Variants in COX19 observed in about 807,000 individuals in gnomAD.
The protein encoded by COX19 is cytochrome c oxidase assembly protein COX19.
COX19 carries 8 observed loss-of-function variants against 6.8 expected under a neutral mutation model. The ratio of observed to expected loss-of-function variants is 1.18; its 90% CI spans 0.69 to 2.12. The LOEUF is 2.12. COX19 is among the 30% of genes most tolerant of loss of function. COX19 has a pLI of 0.00. For missense variants in COX19, 131 were observed against 104.6 expected (o/e 1.25, Z -1.10); for synonymous variants, 51 against 38.0 (o/e 1.34, Z -1.26).
At chr7:971,913 AAC>A (rs1316076756) in intron 2 of COX19, among the ~76,000 whole-genome samples, 2 of 152,146 alleles carry the variant, frequency 1.3e-5, no homozygotes, top group Non-Finnish European at 2.9e-5. Flanking sequence ...ATGAAATCAG[AAC>A]ACATGCCCTG....
intron 1 of COX19, among the ~76,000 whole-genome samples, 197 bp from the exon 2 acceptor site, chr7:973,489 T>C (rs925875560): frequency 6.6e-6 from 1 of 151,986 alleles, no homozygotes; most frequent in African/African-American, 2.4e-5. Flanking sequence ...GGCAACACAG[T>C]GAGACCCCCA....
chr7:965,036 C>CAA lies in COX19; in HGVS notation c.*4340_*4341dup, dbSNP rs1286527542. ...CATTCAGCAGCCAGACCCAGAAACTCAAAGGCAGCGTTGGGAAGCCACTGC... is the reference window on the plus strand; with the variant it reads ...CATTCAGCAGCCAGACCCAGAAACTCAAAAAGGCAGCGTTGGGAAGCCACTGC... On this transcript the variant is annotated 3_prime_UTR_variant, in exon 3 of 3. Transcript: ENST00000344111. 1.3e-5 allele frequency among the ~76,000 whole-genome samples: 2 copies of CAA among 152,216 alleles called. No individual in the cohort carries two copies. The highest frequency in any genetic ancestry group is 2.9e-5 in the Non-Finnish European group (2 of 68,044).
rs367607557 is a variant in COX19, at chr7:965,259, A to G, written c.*4119T>C. Among the ~76,000 whole-genome samples the G allele has an allele frequency of 6.6e-6, 1 of 152,230 alleles. No homozygotes were observed. Among genetic ancestry groups the G allele is most frequent in the South Asian group, 2.1e-4 (1 of 4,834 alleles). ...CATATTTTTTTTTCCTCATTTCAAAATAATTTCAGACTTCCAAAAAGTTCC... is the reference window on the plus strand; with the variant it reads ...CATATTTTTTTTTCCTCATTTCAAAGTAATTTCAGACTTCCAAAAAGTTCC... On this transcript the variant is annotated 3_prime_UTR_variant, in exon 3 of 3. Transcript: ENST00000344111.
At chr7:971,881 T>A (rs1239578113) in intron 2 of COX19, among the ~76,000 whole-genome samples, 1 of 151,908 alleles carries the variant, frequency 6.6e-6, no homozygotes, top group African/African-American at 2.4e-5. Context: ...AAAAAAATAA[T>A]AAAAATAAAA....
chr7:970,274 A>G (rs1025819784), intron 2 of COX19, among the ~76,000 whole-genome samples: 1 of 151,190 alleles, frequency 6.6e-6, no homozygotes, highest in Non-Finnish European at 1.5e-5. Context: ...AGCTGGGAGT[A>G]CAGGTGCACA....
chr7:969,081 A>C lies in COX19; in HGVS notation c.*297T>G, dbSNP rs1328571343. The C allele has an allele frequency of 1.2e-5, 4 of 333,338 alleles. No homozygotes were observed. Among genetic ancestry groups the C allele is most frequent in the Non-Finnish European group, 2.2e-5 (4 of 181,522 alleles). 20.6% of individuals were successfully genotyped at this position (333,338 alleles called of 1,614,324 possible). A position where few individuals can be genotyped will look rare whatever the true frequency, so the allele number is the denominator to read the frequency against. The stretch of plus-strand genomic sequence containing the variant: ...AAAGTATCAGAGGACTGCAACATAA[A>C]ACCGCCCCATACAAGAGGGCCCCGG... On this transcript the variant is annotated 3_prime_UTR_variant, in exon 3 of 3. Transcript: ENST00000344111.
chr7:971,647 G>A (rs1210047507), intron 2 of COX19, among the ~76,000 whole-genome samples: 1 of 152,058 alleles, frequency 6.6e-6, no homozygotes, highest in South Asian at 2.1e-4. Flanking sequence ...CGAGGTGGGC[G>A]GACCATGAGG....
chr7:967,708 T>C lies in COX19; in HGVS notation c.*1670A>G, dbSNP rs973664872. On this transcript the variant is annotated 3_prime_UTR_variant, in exon 3 of 3. Coordinates refer to ENST00000344111, the MANE Select transcript of COX19 (RefSeq NM_001031617.3). ...AACCCTCTGCCATGACAGCCAGAAC[T>C]CCACCCCCAGGGGTGCTCGGAGGGG... 4 of 152,336 alleles carry C rather than the reference T, an allele frequency of 2.6e-5. No individual in the cohort carries two copies. Among genetic ancestry groups the C allele is most frequent in the African/African-American group, 9.6e-5 (4 of 41,468 alleles). 9.4% of individuals were successfully genotyped at this position (152,336 alleles called of 1,614,324 possible).
chr7:966,409 C>T lies in COX19; in HGVS notation c.*2969G>A, dbSNP rs1203047403. 1 of 152,330 alleles carries T rather than the reference C, an allele frequency of 6.6e-6. No homozygotes were observed. The highest frequency in any genetic ancestry group is 1.5e-5 in the Non-Finnish European group (1 of 68,146). 9.4% of individuals were successfully genotyped at this position (152,330 alleles called of 1,614,324 possible). ...CCTCAAGTGATCCTCCCACCTTGGCCTCCTAAAGTGCTGGGATTGCAGGCG... is the reference window on the plus strand; with the variant it reads ...CCTCAAGTGATCCTCCCACCTTGGCTTCCTAAAGTGCTGGGATTGCAGGCG... On this transcript the variant is annotated 3_prime_UTR_variant, in exon 3 of 3. Transcript: ENST00000344111.
Position 965,404 on chromosome 7 carries a change from G to A in COX19, c.*3974C>T, listed in dbSNP as rs1847536897. ...TTGGGTCTGTGTCTGTTGTCTCCTT[G>A]GGATTACATTCAGGCCATGCAGTTG... On this transcript the variant is annotated 3_prime_UTR_variant, in exon 3 of 3. Coordinates refer to ENST00000344111, the MANE Select transcript of COX19 (RefSeq NM_001031617.3). Among the ~76,000 whole-genome samples the A allele has an allele frequency of 6.6e-6, 1 of 152,178 alleles. No individual in the cohort carries two copies. The highest frequency in any genetic ancestry group is 2.1e-4 in the South Asian group (1 of 4,830).
intron 2 of COX19, among the ~76,000 whole-genome samples, chr7:972,510 G>T (rs565093701): frequency 2.0e-5 from 3 of 152,286 alleles, no homozygotes; most frequent in Admixed American, 2.0e-4. Flanking sequence ...AGACCGAAAT[G>T]CTTAGTGAGC....
In COX19 at chr7:969,353, G is replaced by A. The variant is rs752583609; in HGVS notation, c.*25C>T. On this transcript the variant is annotated 3_prime_UTR_variant, in exon 3 of 3. Coordinates refer to ENST00000344111, the MANE Select transcript of COX19 (RefSeq NM_001031617.3). Reference sequence around the variant, plus strand: ...TCCGTCCTGAGAGACCACTGAACACGGCCCAGGGGTCTTCTCATCAAAATT... The same window carrying A: ...TCCGTCCTGAGAGACCACTGAACACAGCCCAGGGGTCTTCTCATCAAAATT... 1.0e-5 allele frequency: 15 copies of A among 1,469,126 alleles called. No homozygotes were observed. The highest frequency in any genetic ancestry group is 6.8e-5 in the East Asian group (3 of 44,206). The allele number at this position is 1,469,126 out of a possible 1,614,324, so 91.0% of individuals were successfully genotyped here.
intron 2 of COX19, among the ~76,000 whole-genome samples, chr7:972,460 G>A (rs941328981): frequency 2.0e-5 from 3 of 152,198 alleles, no homozygotes; most frequent in Admixed American, 6.5e-5. Flanking sequence ...GTGGATGGGC[G>A]AATTGTCAAC....
chr7:973,239 AATT>A lies in COX19; in HGVS notation c.133_135del (p.Asn45del). 6.2e-7 allele frequency: 1 copy of A among 1,604,782 alleles called. No homozygotes were observed. The highest frequency in any genetic ancestry group is 8.5e-7 in the Non-Finnish European group (1 of 1,176,370). The stretch of plus-strand genomic sequence containing the variant: ...TCCTTTCTGCACAAAGCATTTTCAA[AATT>A]ATTGTTATGAAGACACTTCATGAAT... On this transcript the variant is annotated inframe_deletion, in exon 2 of 3. Coordinates refer to ENST00000344111, the MANE Select transcript of COX19 (RefSeq NM_001031617.3).
intron 1 of COX19, among the ~76,000 whole-genome samples, chr7:974,250 T>TA (rs748066628): frequency 0.056 from 4,720 of 84,130 alleles, 205 homozygotes; most frequent in East Asian, 0.27. Context: ...ACCCCATCTC[T>TA]AAAAAAAAAA....
chr7:970,338 T>A (rs1414940151), intron 2 of COX19, among the ~76,000 whole-genome samples: 3 of 151,994 alleles, frequency 2.0e-5, no homozygotes, highest in Non-Finnish European at 4.4e-5. Context: ...TCTAACCATA[T>A]GGGTCAGGCT....
In COX19 at chr7:969,259, C is replaced by G. The variant is rs903053924; in HGVS notation, c.*119G>C. The G allele has an allele frequency of 8.1e-5, 58 of 711,744 alleles. No homozygotes were observed. The highest frequency in any genetic ancestry group is 2.0e-5 in the Non-Finnish European group (8 of 397,656). The allele number at this position is 711,744 out of a possible 1,614,324, so 44.1% of individuals were successfully genotyped here. On this transcript the variant is annotated 3_prime_UTR_variant, in exon 3 of 3. Transcript: ENST00000344111. ...AGACGCCCCCACAGGGCTGGAGCTT[C>G]TATTCGAAGCCCATTTCTAAGGACA...
rs1278125496 is a variant in COX19, at chr7:965,794, AG to A, written c.*3583del. ...AGCTGGATTACAGACACACGCCACC[AG>A]CCCCAGCTAATTTTTGTATTTTTAG... On this transcript the variant is annotated 3_prime_UTR_variant, in exon 3 of 3. Transcript: ENST00000344111. Among the ~76,000 whole-genome samples the A allele has an allele frequency of 6.6e-6, 1 of 152,172 alleles. No individual in the cohort carries two copies. Among genetic ancestry groups the A allele is most frequent in the African/African-American group, 2.4e-5 (1 of 41,438 alleles).
In COX19 at chr7:967,357, C is replaced by A. The variant is rs1415394102; in HGVS notation, c.*2021G>T. 1 of 152,288 alleles carries A rather than the reference C, an allele frequency of 6.6e-6. No homozygotes were observed. The highest frequency in any genetic ancestry group is 1.5e-5 in the Non-Finnish European group (1 of 68,056). 9.4% of individuals were successfully genotyped at this position (152,288 alleles called of 1,614,324 possible). On this transcript the variant is annotated 3_prime_UTR_variant, in exon 3 of 3. Transcript: ENST00000344111. Reference sequence around the variant, plus strand: ...ACGTTAGAAAAGCAGGAGCTCAATACACCTGGCTCTCATCATCCACGATGT... The same window carrying A: ...ACGTTAGAAAAGCAGGAGCTCAATAAACCTGGCTCTCATCATCCACGATGT...
Sources: allele counts gnomAD v4.1 joint callset (sites outside exome capture counted in the v4.1 genomes callset), GRCh38; gene constraint gnomAD v4.1.1; transcripts MANE v1.5; gene names NCBI Gene and HGNC (gene_info 2026-07-23, HGNC 2026-07-21).